MICAL2: variants seen among roughly 807,000 people sequenced by gnomAD.
The protein encoded by MICAL2 is microtubule associated monooxygenase, calponin and LIM domain containing 2.
In MICAL2, 77 loss-of-function variants were observed where a neutral mutation model predicts 127.3. The observed-to-expected ratio is 0.60, with a 90% confidence interval of 0.50 to 0.73. MICAL2 has a LOEUF of 0.73. Among genes scored for constraint, MICAL2 ranks in the 30% least tolerant of loss-of-function variants. The pLI is 0.00. For synonymous variants in MICAL2, 570 were observed against 551.1 expected, an observed-to-expected ratio of 1.03 and a Z score of -0.48; for missense variants, 1,351 against 1,434.4, an observed-to-expected ratio of 0.94 and a Z score of 0.94.
chr11:12,345,885 A>G (rs1938945617), intron 32 of MICAL2, among the ~76,000 whole-genome samples: 1 of 152,222 alleles, frequency 6.6e-6, no homozygotes, highest in Non-Finnish European at 1.5e-5. Flanking sequence ...ATTAGAGGGT[A>G]AGCAGAATGG....
intron 1 of MICAL2, among the ~76,000 whole-genome samples, chr11:12,120,973 C>A (rs1850461207): frequency 6.6e-6 from 1 of 152,184 alleles, no homozygotes; most frequent in Non-Finnish European, 1.5e-5. Flanking sequence ...GCTGGGCCCC[C>A]AAAAAGACTT....
chr11:12,182,411 G>T (rs1411259054), intron 3 of MICAL2, among the ~76,000 whole-genome samples: 1 of 152,120 alleles, frequency 6.6e-6, no homozygotes. Flanking sequence ...TTTTGTGACT[G>T]GGGGCCAATT....
chr11:12,261,000 T>C (rs1177867451), intron 26 of MICAL2: 1 of 985,422 alleles, frequency 1.0e-6, no homozygotes, highest in Non-Finnish European at 1.2e-6. Flanking sequence ...TTTCAACTGA[T>C]GGCATTTTAG....
chr11:12,262,415 T>C (rs1485811482), intron 26 of MICAL2, 65 bp from the exon 27 acceptor site: 21 of 1,606,806 alleles, frequency 1.3e-5, no homozygotes, highest in Non-Finnish European at 1.7e-5. Context: ...ATTTCCTTTT[T>C]TCCCCACACT....
At chr11:12,180,349 A>T (rs200039110) in intron 3 of MICAL2, among the ~76,000 whole-genome samples, 39 of 139,708 alleles carry the variant, frequency 2.8e-4, no homozygotes, top group South Asian at 9.3e-4. Flanking sequence ...ATATGTATAT[A>T]TTTTTTTTTT....
chr11:12,314,528 G>C (rs1590734018), intron 29 of MICAL2, among the ~76,000 whole-genome samples: 2 of 151,838 alleles, frequency 1.3e-5, no homozygotes, highest in Admixed American at 1.3e-4. Flanking sequence ...ACCCAGGCTG[G>C]AGTGCAGTGG....
In MICAL2 at chr11:12,189,720, C is replaced by T. The variant is rs187490345; in HGVS notation, c.265-14530C>T. Among the ~76,000 whole-genome samples the T allele has an allele frequency of 1.1e-4, 16 of 152,286 alleles. No individual in the cohort carries two copies. The East Asian group carries it at 1.9e-3, about 18-fold the overall frequency. ...ATCCTGCCTTCCATATGTGGGCTTC[C>T]GCAGGCAGCCTGAGCCAGCTATGGC... On this transcript the variant is annotated intron_variant, in intron 3 of 27. Coordinates refer to ENST00000683283, the MANE Select transcript of MICAL2 (RefSeq NM_001282663.2).
intron 34 of MICAL2, chr11:12,354,919 C>A: frequency 6.7e-7 from 1 of 1,488,604 alleles, no homozygotes; most frequent in Non-Finnish European, 9.3e-7. Flanking sequence ...GCAGCGTGTG[C>A]CACAAATCCC....
chr11:12,240,288 G>A (rs1382717490), intron 17 of MICAL2, among the ~76,000 whole-genome samples: 8 of 152,212 alleles, frequency 5.3e-5, no homozygotes, highest in Admixed American at 4.6e-4. Context: ...TCGTGGTTCC[G>A]TTTGCTCCCC....
intron 8 of MICAL2, 100 bp from the exon 9 acceptor site, chr11:12,220,101 C>A: frequency 7.2e-7 from 1 of 1,395,062 alleles, no homozygotes; most frequent in Non-Finnish European, 9.9e-7. Context: ...TGACTAGCCT[C>A]ACTGTAGGGA....
chr11:12,304,637 AACACACACACACAC>A (rs57280679), intron 29 of MICAL2, among the ~76,000 whole-genome samples: 134 of 128,918 alleles, frequency 1.0e-3, no homozygotes, highest in Middle Eastern at 3.9e-3. Flanking sequence ...CTCTGTCTCA[AACACACACACACAC>A]ACACACACAC....
At chr11:12,177,275 A>G (rs1017624697) in intron 3 of MICAL2, among the ~76,000 whole-genome samples, 2 of 152,108 alleles carry the variant, frequency 1.3e-5, no homozygotes, top group South Asian at 2.1e-4. Flanking sequence ...TCCTGTGCTT[A>G]TTGTCCACTC....
At chr11:12,321,850 T>C (rs957982165) in intron 30 of MICAL2, among the ~76,000 whole-genome samples, 6 of 152,084 alleles carry the variant, frequency 3.9e-5, no homozygotes, top group African/African-American at 1.4e-4. Context: ...GCCTGGGAAT[T>C]GCATTCAGTG....
chr11:12,287,763 C>T (rs929952483), downstream of MICAL2, among the ~76,000 whole-genome samples: 11 of 152,188 alleles, frequency 7.2e-5, no homozygotes, highest in African/African-American at 2.2e-4. Context: ...GCAGTGAACA[C>T]GCACAGTCTC....
At chr11:12,185,552 C>G (rs1858124981) in intron 3 of MICAL2, among the ~76,000 whole-genome samples, 1 of 152,132 alleles carries the variant, frequency 6.6e-6, no homozygotes, top group Non-Finnish European at 1.5e-5. Context: ...AGCTTCCTAG[C>G]AAGTCTCTGA....
chr11:12,261,684 G>C (rs1455819609), intron 26 of MICAL2: 1 of 985,328 alleles, frequency 1.0e-6, no homozygotes, highest in African/African-American at 1.7e-5. Flanking sequence ...TTTCTATGGG[G>C]CGGGAAGAAG....
downstream of MICAL2, among the ~76,000 whole-genome samples, chr11:12,289,306 G>C (rs1022117372): frequency 1.3e-5 from 2 of 152,230 alleles, no homozygotes; most frequent in Admixed American, 1.3e-4. Flanking sequence ...GCCCCCGGTG[G>C]GCCATACCAA....
At chr11:12,240,316 G>A (rs1372484590) in intron 17 of MICAL2, among the ~76,000 whole-genome samples, 1 of 152,224 alleles carries the variant, frequency 6.6e-6, no homozygotes, top group African/African-American at 2.4e-5. Context: ...CCTTTAGGGT[G>A]CTGTTGTCAC....
At chr11:12,251,604 AG>A (rs1289487615) in intron 22 of MICAL2, among the ~76,000 whole-genome samples, 2 of 122,522 alleles carry the variant, frequency 1.6e-5, no homozygotes, top group African/African-American at 6.3e-5. Context: ...AAAAAAAAAA[AG>A]GAATGTCACC....
Sources: allele counts gnomAD v4.1 joint callset (sites outside exome capture counted in the v4.1 genomes callset), GRCh38; gene constraint gnomAD v4.1.1; transcripts MANE v1.5; gene names NCBI Gene and HGNC (gene_info 2026-07-23, HGNC 2026-07-21).